Variants in CCDC171 observed in about 807,000 individuals in gnomAD.
CCDC171 encodes coiled-coil domain-containing protein 171.
CCDC171 carries 177 observed loss-of-function variants against 168.2 expected under a neutral mutation model. That is an observed-to-expected ratio of 1.05 (90% CI 0.93 to 1.19). The LOEUF is 1.19. CCDC171 is among the 50% of genes most tolerant of loss of function. The probability of loss-of-function intolerance (pLI) is 0.00; values close to 1 mark genes in which losing one functional copy is unlikely to be tolerated. For missense variants in CCDC171, 1,991 were observed against 1,539.0 expected (o/e 1.29, Z -4.91); for synonymous variants, 687 against 540.8 (o/e 1.27, Z -3.75).
At chr9:15,796,228 G>A (rs2058549780) in intron 21 of CCDC171, among the ~76,000 whole-genome samples, 1 of 151,798 alleles carries the variant, frequency 6.6e-6, no homozygotes, top group African/African-American at 2.4e-5. Context: ...TGAACATTGG[G>A]TAGACATTGA....
At chr9:15,687,647 A>G (rs1274893472) in intron 10 of CCDC171, among the ~76,000 whole-genome samples, 1 of 152,212 alleles carries the variant, frequency 6.6e-6, no homozygotes, top group Non-Finnish European at 1.5e-5. Flanking sequence ...TACACTCATC[A>G]AAAAAGGAGA....
intron 8 of CCDC171, among the ~76,000 whole-genome samples, chr9:15,659,601 G>C (rs1244338775): frequency 6.6e-6 from 1 of 152,112 alleles, no homozygotes; most frequent in Non-Finnish European, 1.5e-5. Context: ...ACTACTTTGT[G>C]AACAAATGTA....
intron 7 of CCDC171, among the ~76,000 whole-genome samples, chr9:15,636,278 C>T (rs1408518110): frequency 6.6e-6 from 1 of 151,972 alleles, no homozygotes; most frequent in Non-Finnish European, 1.5e-5. Context: ...CATACTCTAA[C>T]CACACATGGG....
At chr9:15,718,561 G>T (rs374684453) in intron 11 of CCDC171, among the ~76,000 whole-genome samples, 1 of 152,210 alleles carries the variant, frequency 6.6e-6, no homozygotes, top group Non-Finnish European at 1.5e-5. Context: ...ACCTAGTGCA[G>T]TCCTACTGGT....
At chr9:15,560,476 T>C (rs931094082) in intron 1 of CCDC171, among the ~76,000 whole-genome samples, 2 of 152,162 alleles carry the variant, frequency 1.3e-5, no homozygotes, top group Non-Finnish European at 2.9e-5. Context: ...TTTCATTCAT[T>C]TGTTCTTCAA....
chr9:15,733,069 A>G (rs886187249), intron 16 of CCDC171, among the ~76,000 whole-genome samples: 8 of 152,110 alleles, frequency 5.3e-5, no homozygotes, highest in Admixed American at 1.3e-4. Context: ...TGCCTAATAA[A>G]TTAATCATTT....
At chr9:15,651,272 C>T (rs1293573461) in intron 7 of CCDC171, among the ~76,000 whole-genome samples, 1 of 152,056 alleles carries the variant, frequency 6.6e-6, no homozygotes, top group Non-Finnish European at 1.5e-5. Flanking sequence ...CGACACCTAG[C>T]TAATTTTTGT....
intron 24 of CCDC171, among the ~76,000 whole-genome samples, chr9:15,911,293 C>G (rs898588410): frequency 1.4e-4 from 21 of 152,204 alleles, no homozygotes; most frequent in African/African-American, 5.1e-4. Flanking sequence ...TCTCTAATGA[C>G]CAGTGATGAT....
the CCDC171 span, among the ~76,000 whole-genome samples, chr9:16,090,864 A>G: frequency 2.0e-5 from 3 of 152,232 alleles, no homozygotes; most frequent in African/African-American, 7.2e-5. Context: ...GAAAAATAGC[A>G]TTCCTTTTAA....
intron 7 of CCDC171, among the ~76,000 whole-genome samples, chr9:15,631,438 C>G (rs1010147801): frequency 2.0e-5 from 3 of 152,300 alleles, no homozygotes; most frequent in East Asian, 1.9e-4. Flanking sequence ...TTGATAGATT[C>G]TTGGACACAT....
intron 24 of CCDC171, among the ~76,000 whole-genome samples, chr9:15,901,565 AT>A (rs1397124127): frequency 6.6e-6 from 1 of 152,064 alleles, no homozygotes; most frequent in African/African-American, 2.4e-5. Flanking sequence ...ACATCCTATA[AT>A]TTTTTTTATT....
intron 25 of CCDC171, among the ~76,000 whole-genome samples, chr9:15,926,990 T>A (rs1825966913): frequency 1.3e-5 from 2 of 151,700 alleles, no homozygotes; most frequent in South Asian, 4.1e-4. Context: ...CAGTATGTAC[T>A]CATTACTATC....
rs149778248 is a variant in CCDC171 at position 15,635,153 on chromosome 9, A to C, written c.822+11740A>C. Among the ~76,000 whole-genome samples the C allele has an allele frequency of 6.8e-3, 1,042 of 152,300 alleles. 17 individuals carry two copies. The highest frequency in any genetic ancestry group is 0.045 in the Admixed American group (680 of 15,278). On this transcript the variant is annotated intron_variant, in intron 7 of 25. Coordinates refer to ENST00000380701, the MANE Select transcript of CCDC171 (RefSeq NM_173550.4). ...AGGAGAATTGACTTACACTATCACA[A>C]GTTGAAGTTCCACAATAGGCCATCT...
At chr9:16,081,069 C>A in the CCDC171 span, among the ~76,000 whole-genome samples, 1 of 152,312 alleles carries the variant, frequency 6.6e-6, no homozygotes, top group Non-Finnish European at 1.5e-5. Context: ...AACACTCCTT[C>A]CTGCGAGTAG....
intron 16 of CCDC171, among the ~76,000 whole-genome samples, chr9:15,731,777 T>C (rs7032595): frequency 0.089 from 13,534 of 152,124 alleles, 1,450 homozygotes; most frequent in African/African-American, 0.25. Context: ...CAAAAGTTTC[T>C]AAAAAATGCT....
intron 1 of CCDC171, among the ~76,000 whole-genome samples, chr9:16,049,021 A>G (rs982218620): frequency 1.3e-5 from 2 of 152,052 alleles, no homozygotes; most frequent in Non-Finnish European, 2.9e-5. Context: ...CCTAAAAATT[A>G]CAATCCCTAA....
At chr9:15,615,778 T>C (rs1253169408) in intron 6 of CCDC171, among the ~76,000 whole-genome samples, 2 of 40,560 alleles carry the variant, frequency 4.9e-5, no homozygotes, top group Non-Finnish European at 1.0e-4. Flanking sequence ...TCACGTGTGA[T>C]TTTTTTTTTT....
chr9:15,624,816 G>C (rs1444044426), intron 7 of CCDC171, among the ~76,000 whole-genome samples: 2 of 152,112 alleles, frequency 1.3e-5, no homozygotes, highest in South Asian at 2.1e-4. Flanking sequence ...ATAATCCTTT[G>C]GGTATATGCC....
chr9:15,933,599 A>G (rs1244239556), intron 25 of CCDC171, among the ~76,000 whole-genome samples: 1 of 151,660 alleles, frequency 6.6e-6, no homozygotes, highest in Non-Finnish European at 1.5e-5. Context: ...TTTATTAGAA[A>G]TCTTTCTTCT....
Sources: allele counts gnomAD v4.1 joint callset (sites outside exome capture counted in the v4.1 genomes callset), GRCh38; gene constraint gnomAD v4.1.1; transcripts MANE v1.5; gene names NCBI Gene and HGNC (gene_info 2026-07-23, HGNC 2026-07-21).